ATXN1: variants seen among roughly 807,000 people sequenced by gnomAD.
The protein encoded by ATXN1 is ataxin 1.
Under a neutral mutation model 56.4 loss-of-function variants are expected in ATXN1, and 8 were observed. The observed-to-expected ratio is 0.14, with a 90% CI of 0.08 to 0.26. ATXN1 has a LOEUF of 0.26. Among genes scored for constraint, ATXN1 ranks in the 10% least tolerant of loss-of-function variants. The pLI is 1.00. For missense variants in ATXN1, 987 were observed against 1,106.5 expected, an observed-to-expected ratio of 0.89 and a Z score of 1.53; for synonymous variants, 514 against 494.6, an observed-to-expected ratio of 1.04 and a Z score of -0.52.
At chr6:16,459,174 C>A (rs1038482092) in intron 6 of ATXN1, among the ~76,000 whole-genome samples, 4 of 152,188 alleles carry the variant, frequency 2.6e-5, no homozygotes, top group African/African-American at 9.7e-5. Context: ...TTAGCCAAAG[C>A]TGGAGCCATT....
At chr6:16,538,334 G>T (rs2113713663) in intron 4 of ATXN1, among the ~76,000 whole-genome samples, 1 of 152,298 alleles carries the variant, frequency 6.6e-6, no homozygotes, top group East Asian at 1.9e-4. Flanking sequence ...AGCACTTAGA[G>T]CAGTATTATA....
At chr6:16,460,080 T>C (rs1019635873) in intron 6 of ATXN1, among the ~76,000 whole-genome samples, 3 of 152,082 alleles carry the variant, frequency 2.0e-5, no homozygotes, top group African/African-American at 4.8e-5. Flanking sequence ...TTACCGACTA[T>C]GGATCCCCGG....
intron 4 of ATXN1, among the ~76,000 whole-genome samples, chr6:16,559,815 T>C (rs886634104): frequency 1.3e-5 from 2 of 152,174 alleles, no homozygotes; most frequent in African/African-American, 4.8e-5. Flanking sequence ...GCAAAGTACG[T>C]GGTCTAATTT....
intron 3 of ATXN1, among the ~76,000 whole-genome samples, chr6:16,638,516 G>A (rs1296138705): frequency 6.6e-6 from 1 of 151,616 alleles, no homozygotes; most frequent in East Asian, 1.9e-4. Context: ...CTTACAAAGG[G>A]CCTGCAGGAG....
chr6:16,612,329 T>C (rs1285701509), intron 3 of ATXN1, among the ~76,000 whole-genome samples: 1 of 152,156 alleles, frequency 6.6e-6, no homozygotes, highest in Non-Finnish European at 1.5e-5. Flanking sequence ...AAATAAATTT[T>C]ACTACCTTTC....
At chr6:16,754,786 T>G (rs1465795165) in intron 1 of ATXN1, 19 of 152,240 alleles carry the variant, frequency 1.2e-4, no homozygotes, top group Non-Finnish European at 2.8e-4. Context: ...TTATACACTA[T>G]AAGGTCTTTC....
At chr6:16,347,059 C>G (rs1761422455) in intron 6 of ATXN1, among the ~76,000 whole-genome samples, 1 of 152,258 alleles carries the variant, frequency 6.6e-6, no homozygotes, top group Non-Finnish European at 1.5e-5. Flanking sequence ...TCTCGCCAGG[C>G]CTTAGCTGCC....
At chr6:16,470,783 A>C (rs957130801) in intron 6 of ATXN1, among the ~76,000 whole-genome samples, 3 of 152,204 alleles carry the variant, frequency 2.0e-5, no homozygotes, top group African/African-American at 7.2e-5. Context: ...ACTTGAGGCC[A>C]GGGAGTGTGA....
rs552945812 is a variant in ATXN1 at position 16,726,075 on chromosome 6, T to C, written c.-615+27158A>G. 2.0e-4 allele frequency among the ~76,000 whole-genome samples: 31 copies of C among 152,266 alleles called. No individual in the cohort carries two copies. In the South Asian group the frequency reaches 6.2e-3, roughly 31 times the overall value. On this transcript the variant is annotated intron_variant, in intron 2 of 7. Transcript: ENST00000436367. The stretch of plus-strand genomic sequence containing the variant: ...CTAGAAAGTAGCTTCTTATACCCTG[T>C]GAACTGTAAGAGGGAGGGGTTCCAG...
rs1222706306 is a variant in ATXN1 at position 16,358,042 on chromosome 6, T to C, written c.-160-29572A>G. On this transcript the variant is annotated intron_variant, in intron 6 of 7. Transcript: ENST00000436367. ...GGAGGGAAGCTGACACTGGGAGAAA[T>C]ATCCAAGAAAGGCAATCAAAAGGCA... Among the ~76,000 whole-genome samples the C allele has an allele frequency of 2.0e-5, 3 of 151,716 alleles. No homozygotes were observed. The East Asian group carries it at 5.8e-4, about 29-fold the overall frequency.
Position 16,760,942 on chromosome 6 carries a change from G to A in ATXN1, c.-730+356C>T, listed in dbSNP as rs1250769328. 1.4e-5 allele frequency among the ~76,000 whole-genome samples: 2 copies of A among 147,858 alleles called. No homozygotes were observed. The highest frequency in any genetic ancestry group is 4.9e-5 in the African/African-American group (2 of 40,582). ...CCCCGCCCGCGCCCCCCGCCCGGGC[G>A]CGCCCCCTAGCCCGGCGGGCGCCCA... On this transcript the variant is annotated intron_variant, in intron 1 of 7. Coordinates refer to ENST00000436367, the MANE Select transcript of ATXN1 (RefSeq NM_001128164.2). The surrounding 1 kb of genome is among the most constrained non-coding windows in gnomAD (Gnocchi z 5.3).
intron 7 of ATXN1, among the ~76,000 whole-genome samples, chr6:16,313,037 C>T (rs992337729): frequency 6.6e-6 from 1 of 152,094 alleles, no homozygotes; most frequent in African/African-American, 2.4e-5. Flanking sequence ...GCCACCACAC[C>T]TGGCTAATTT....
At chr6:16,342,416 C>T (rs1461299392) in intron 6 of ATXN1, among the ~76,000 whole-genome samples, 3 of 151,692 alleles carry the variant, frequency 2.0e-5, no homozygotes, top group East Asian at 1.9e-4. Context: ...CTATGTGCAT[C>T]GTTGGTGGGA....
intron 5 of ATXN1, among the ~76,000 whole-genome samples, chr6:16,488,265 A>T (rs1760590309): frequency 6.6e-6 from 1 of 152,226 alleles, no homozygotes; most frequent in Non-Finnish European, 1.5e-5. Context: ...AGCTGAAGTT[A>T]AGAAAACCCT....
chr6:16,299,444 T>C lies in ATXN1; in HGVS notation c.*6885A>G, dbSNP rs1561839997. On this transcript the variant is annotated 3_prime_UTR_variant, in exon 8 of 8. Coordinates refer to ENST00000436367, the MANE Select transcript of ATXN1 (RefSeq NM_001128164.2). ...GAATTACAGAGAGTATGCACGCATA[T>C]GGAAAAAAGTTCTCCTGTCACAATA... The C allele has an allele frequency of 6.6e-6, 1 of 152,650 alleles. No individual in the cohort carries two copies. Among genetic ancestry groups the C allele is most frequent in the Non-Finnish European group, 1.5e-5 (1 of 68,028 alleles). 9.5% of individuals were successfully genotyped at this position (152,650 alleles called of 1,614,324 possible).
chr6:16,572,741 T>C (rs192087086), intron 4 of ATXN1, among the ~76,000 whole-genome samples: 2 of 152,206 alleles, frequency 1.3e-5, no homozygotes, highest in African/African-American at 2.4e-5. Context: ...ATTATCTACG[T>C]TGAAAAGACA....
At chr6:16,382,768 G>A (rs1758155998) in intron 6 of ATXN1, among the ~76,000 whole-genome samples, 1 of 151,906 alleles carries the variant, frequency 6.6e-6, no homozygotes, top group South Asian at 2.1e-4. Flanking sequence ...CACACTGGAA[G>A]GAGAAAAATT....
intron 3 of ATXN1, among the ~76,000 whole-genome samples, chr6:16,613,014 C>T (rs1302670919): frequency 6.6e-6 from 1 of 151,582 alleles, no homozygotes; most frequent in Non-Finnish European, 1.5e-5. Context: ...GCCTGTAATC[C>T]CAGCACTTTG....
intron 2 of ATXN1, among the ~76,000 whole-genome samples, chr6:16,708,046 T>A (rs1400557086): frequency 6.6e-6 from 1 of 151,970 alleles, no homozygotes; most frequent in Non-Finnish European, 1.5e-5. Flanking sequence ...ATGCACAATA[T>A]GTGGTGGGGG....
Sources: allele counts gnomAD v4.1 joint callset (sites outside exome capture counted in the v4.1 genomes callset), GRCh38; gene constraint gnomAD v4.1.1; non-coding constraint Gnocchi (gnomAD v3.1); transcripts MANE v1.5; gene names NCBI Gene and HGNC (gene_info 2026-07-23, HGNC 2026-07-21).